TASP1: variants seen among roughly 807,000 people sequenced by gnomAD.
The protein encoded by TASP1 is taspase 1.
In TASP1, 16 loss-of-function variants were observed where a neutral mutation model predicts 56.6. That is an observed-to-expected ratio of 0.28 (90% CI 0.19 to 0.43). The LOEUF (loss-of-function observed/expected upper bound fraction) is 0.43. TASP1 is among the 20% of genes least tolerant of loss of function. The pLI is 1.00. For missense variants in TASP1, 393 were observed against 511.6 expected (o/e 0.77, Z 2.24); for synonymous variants, 179 against 184.2 (o/e 0.97, Z 0.23).
the TASP1 span, among the ~76,000 whole-genome samples, chr20:13,222,348 A>G: frequency 6.6e-6 from 1 of 152,118 alleles, no homozygotes; most frequent in African/African-American, 2.4e-5. Flanking sequence ...CTTTGGGAGA[A>G]AGAACTCCGG....
intron 13 of TASP1, among the ~76,000 whole-genome samples, chr20:13,416,273 T>A (rs1600723266): frequency 1.3e-5 from 2 of 152,204 alleles, no homozygotes; most frequent in South Asian, 4.1e-4. Flanking sequence ...ACAATTATAT[T>A]TCCATTCTAT....
Position 13,630,091 on chromosome 20 carries a change from C to A in TASP1, c.-13G>T. 6.2e-7 allele frequency: 1 copy of A among 1,609,744 alleles called. No individual in the cohort carries two copies. The stretch of plus-strand genomic sequence containing the variant: ...TCTCCATGGTCATTCTCCAAGATTA[C>A]CATCTTCTACTGAGAAAGGGGCATA... On this transcript the variant is annotated 5_prime_UTR_variant, in exon 2 of 14. Coordinates refer to ENST00000337743, the MANE Select transcript of TASP1 (RefSeq NM_017714.3).
the TASP1 span, among the ~76,000 whole-genome samples, chr20:13,234,132 T>C: frequency 6.6e-6 from 1 of 152,134 alleles, no homozygotes. Flanking sequence ...CTCCCACCTT[T>C]TGGAGTCCCC....
chr20:13,279,663 C>T, the TASP1 span: 12 of 1,613,808 alleles, frequency 7.4e-6, no homozygotes, highest in Admixed American at 1.5e-4. Flanking sequence ...ACGGTCCTGA[C>T]TCTGAAGCAG....
the TASP1 span, among the ~76,000 whole-genome samples, chr20:13,265,701 C>T: frequency 2.0e-5 from 3 of 152,130 alleles, no homozygotes; most frequent in Non-Finnish European, 4.4e-5. Flanking sequence ...AAAGTAATGG[C>T]GGTTTTTGCC....
intron 13 of TASP1, among the ~76,000 whole-genome samples, chr20:13,399,844 C>T (rs2041672161): frequency 1.3e-5 from 2 of 152,174 alleles, no homozygotes; most frequent in Admixed American, 1.3e-4. Context: ...TCTATCTGAC[C>T]TTCCATTGCC....
intron 9 of TASP1, among the ~76,000 whole-genome samples, chr20:13,533,424 G>A (rs973754836): frequency 6.6e-6 from 1 of 152,036 alleles, no homozygotes; most frequent in African/African-American, 2.4e-5. Flanking sequence ...GGGGGAAAGG[G>A]GCAAAGTGAA....
At chr20:13,602,774 C>T (rs1047973341) in intron 4 of TASP1, among the ~76,000 whole-genome samples, 2 of 152,098 alleles carry the variant, frequency 1.3e-5, no homozygotes, top group African/African-American at 4.8e-5. Flanking sequence ...AGAGCTCAGG[C>T]GGTAATGCTC....
At chr20:13,155,486 A>C in the TASP1 span, among the ~76,000 whole-genome samples, 1 of 152,202 alleles carries the variant, frequency 6.6e-6, no homozygotes, top group Non-Finnish European at 1.5e-5. Context: ...GATTCTTCAG[A>C]GTATGCTCTT....
chr20:13,498,685 A>T (rs910734318), intron 10 of TASP1, among the ~76,000 whole-genome samples: 2 of 144,176 alleles, frequency 1.4e-5, no homozygotes, highest in African/African-American at 2.5e-5. Flanking sequence ...AATGGCCAAC[A>T]AACATACCAA....
chr20:13,151,178 T>C, the TASP1 span, among the ~76,000 whole-genome samples: 1 of 152,254 alleles, frequency 6.6e-6, no homozygotes, highest in Non-Finnish European at 1.5e-5. Flanking sequence ...TCACAGATTC[T>C]GCTAATAAGC....
chr20:13,512,055 G>A (rs115528444), intron 10 of TASP1, among the ~76,000 whole-genome samples: 2,557 of 152,074 alleles, frequency 0.017, 73 homozygotes, highest in African/African-American at 0.056. Flanking sequence ...AAATAGTGCC[G>A]CAATATACAT....
the TASP1 span, among the ~76,000 whole-genome samples, chr20:13,133,532 G>A: frequency 3.3e-5 from 5 of 152,230 alleles, no homozygotes; most frequent in African/African-American, 7.2e-5. Flanking sequence ...TCAGGAGTTC[G>A]AGACCAACCT....
At chr20:13,565,072 A>C (rs183420502) in intron 7 of TASP1, among the ~76,000 whole-genome samples, 303 of 152,220 alleles carry the variant, frequency 2.0e-3, no homozygotes, top group Admixed American at 5.6e-3. Context: ...GCAATAGATT[A>C]AAGAGTTCAA....
chr20:13,419,871 T>C (rs2042377848), intron 12 of TASP1, among the ~76,000 whole-genome samples: 1 of 152,226 alleles, frequency 6.6e-6, no homozygotes, highest in African/African-American at 2.4e-5. Context: ...TGTCACGCAA[T>C]GAAGCAAGTT....
At chr20:13,279,014 C>T in the TASP1 span, among the ~76,000 whole-genome samples, 488 of 152,328 alleles carry the variant, frequency 3.2e-3, 4 homozygotes, top group Admixed American at 0.012. Flanking sequence ...CACTCCTACC[C>T]ATTCTGCTGG....
At chr20:13,302,625 T>G in the TASP1 span, among the ~76,000 whole-genome samples, 1 of 152,156 alleles carries the variant, frequency 6.6e-6, no homozygotes, top group African/African-American at 2.4e-5. Context: ...CCACAGAAAA[T>G]TCTGTGGAAT....
At chr20:13,393,231 A>C (rs2041361161) in intron 13 of TASP1, 1 of 732,210 alleles carries the variant, frequency 1.4e-6, no homozygotes, top group Non-Finnish European at 2.5e-6. Context: ...CACCCAGAAG[A>C]CTGTGGATGG....
the TASP1 span, chr20:13,279,928 G>T: frequency 6.2e-6 from 10 of 1,601,672 alleles, no homozygotes; most frequent in Non-Finnish European, 8.5e-6. Context: ...ATATAAAATT[G>T]GTGGGAAGAA....
Sources: gnomAD v4.1 joint callset for allele counts (sites outside exome capture counted in the v4.1 genomes callset) on GRCh38, gnomAD v4.1.1 for gene constraint, MANE v1.5 for transcripts, NCBI Gene and HGNC (gene_info 2026-07-23, HGNC 2026-07-21) for gene names.